Variants in MNAT1 observed in about 807,000 individuals in gnomAD.
MNAT1 encodes the protein MNAT1 component of CDK activating kinase.
MNAT1 carries 43 observed loss-of-function variants against 42.0 expected under a neutral mutation model. The observed-to-expected ratio is 1.02, with a 90% confidence interval of 0.80 to 1.32. The LOEUF (loss-of-function observed/expected upper bound fraction) is 1.32. Ranked by LOEUF, MNAT1 falls within the 40% of genes most tolerant of loss-of-function variation. The pLI is 0.00. For missense variants in MNAT1, 306 were observed against 350.4 expected (o/e 0.87, Z 1.01); for synonymous variants, 118 against 120.0 (o/e 0.98, Z 0.11).
chr14:60,904,594 A>G (rs150930529), intron 7 of MNAT1, among the ~76,000 whole-genome samples: 279 of 152,314 alleles, frequency 1.8e-3, no homozygotes, highest in African/African-American at 6.6e-3. Context: ...TGTTTAGTCT[A>G]GAGTGAATGC....
At chr14:60,914,928 G>A (rs2035479336) in intron 7 of MNAT1, among the ~76,000 whole-genome samples, 1 of 152,164 alleles carries the variant, frequency 6.6e-6, no homozygotes, top group Non-Finnish European at 1.5e-5. Context: ...GTTTTTGGAA[G>A]GAAAATTACC....
intron 3 of MNAT1, among the ~76,000 whole-genome samples, chr14:60,803,631 A>G (rs1367838885): frequency 6.6e-6 from 1 of 152,182 alleles, no homozygotes; most frequent in Non-Finnish European, 1.5e-5. Flanking sequence ...ATTTTGAAGG[A>G]TATTAAAGAC....
intron 7 of MNAT1, among the ~76,000 whole-genome samples, chr14:60,926,860 C>A (rs909460639): frequency 1.3e-5 from 2 of 152,082 alleles, no homozygotes; most frequent in African/African-American, 2.4e-5. Context: ...TGGTTGGTTC[C>A]CCTTGTGAAC....
intron 6 of MNAT1, among the ~76,000 whole-genome samples, chr14:60,847,820 A>G (rs1233215222): frequency 5.3e-5 from 8 of 152,224 alleles, no homozygotes; most frequent in Admixed American, 5.2e-4. Flanking sequence ...AGTAATATGT[A>G]GAATATTTAA....
intron 1 of MNAT1, among the ~76,000 whole-genome samples, chr14:60,777,199 A>G (rs1026441710): frequency 1.3e-5 from 2 of 152,180 alleles, no homozygotes; most frequent in Admixed American, 1.3e-4. Context: ...AGAAGGGGAA[A>G]TATGCTTAAA....
intron 4 of MNAT1, 100 bp downstream of exon 4, chr14:60,808,528 G>A: frequency 4.1e-6 from 3 of 726,524 alleles, no homozygotes; most frequent in Non-Finnish European, 6.6e-6. Flanking sequence ...TACATTTATA[G>A]AAAATTTAGC....
At chr14:60,941,848 C>CA (rs1424415209) in intron 7 of MNAT1, among the ~76,000 whole-genome samples, 1 of 150,612 alleles carries the variant, frequency 6.6e-6, no homozygotes, top group African/African-American at 2.4e-5. Flanking sequence ...ACTAAAAATA[C>CA]AAAAAATTAG....
At chr14:60,823,541 A>C (rs115627853) in intron 6 of MNAT1, among the ~76,000 whole-genome samples, 5 of 152,214 alleles carry the variant, frequency 3.3e-5, no homozygotes, top group African/African-American at 1.2e-4. Flanking sequence ...TTCTTGCATC[A>C]TTACCTTTTA....
At chr14:60,833,841 C>T (rs2033293582) in intron 6 of MNAT1, among the ~76,000 whole-genome samples, 1 of 152,128 alleles carries the variant, frequency 6.6e-6, no homozygotes, top group African/African-American at 2.4e-5. Context: ...TAATTACTGC[C>T]TCCATTTCAG....
At chr14:60,827,197 A>G (rs1001039390) in intron 6 of MNAT1, among the ~76,000 whole-genome samples, 3 of 152,210 alleles carry the variant, frequency 2.0e-5, no homozygotes, top group Non-Finnish European at 4.4e-5. Flanking sequence ...ATTGTTTTTA[A>G]GTACTTTTGA....
chr14:60,942,214 C>A (rs1228159533), intron 7 of MNAT1, among the ~76,000 whole-genome samples: 2 of 151,906 alleles, frequency 1.3e-5, no homozygotes, highest in Non-Finnish European at 2.9e-5. Context: ...TTAAAGAGTT[C>A]AGCCAAAAAG....
chr14:60,858,842 A>G (rs2034026330), intron 6 of MNAT1, among the ~76,000 whole-genome samples: 1 of 152,236 alleles, frequency 6.6e-6, no homozygotes, highest in South Asian at 2.1e-4. Flanking sequence ...ACATTAAGAT[A>G]TGTGCACTGT....
intron 6 of MNAT1, among the ~76,000 whole-genome samples, chr14:60,827,049 A>G (rs551811154): frequency 4.6e-5 from 7 of 152,276 alleles, no homozygotes; most frequent in African/African-American, 1.4e-4. Context: ...CTTGTTTGCA[A>G]ACTGAAAATA....
intron 6 of MNAT1, among the ~76,000 whole-genome samples, chr14:60,872,534 T>C (rs1594820250): frequency 6.6e-6 from 1 of 151,738 alleles, no homozygotes; most frequent in African/African-American, 2.4e-5. Flanking sequence ...TTTTTTCTCT[T>C]CCCCCCCATT....
intron 1 of MNAT1, among the ~76,000 whole-genome samples, chr14:60,741,949 G>A (rs1896481284): frequency 6.6e-6 from 1 of 151,902 alleles, no homozygotes; most frequent in Non-Finnish European, 1.5e-5. Flanking sequence ...ATATCATTGG[G>A]TTTAAGTCTA....
chr14:60,933,767 C>G (rs181509424), intron 7 of MNAT1, among the ~76,000 whole-genome samples: 90 of 152,142 alleles, frequency 5.9e-4, no homozygotes, highest in Non-Finnish European at 5.9e-5. Context: ...CTATGGTATT[C>G]CTTTGAGAGG....
intron 1 of MNAT1, among the ~76,000 whole-genome samples, chr14:60,774,997 G>T (rs1261834836): frequency 1.3e-5 from 2 of 152,182 alleles, no homozygotes; most frequent in Admixed American, 1.3e-4. Flanking sequence ...GATCAGGGCC[G>T]TAATCAGATT....
chr14:60,846,675 T>G (rs758018920), intron 6 of MNAT1, among the ~76,000 whole-genome samples: 67 of 152,220 alleles, frequency 4.4e-4, no homozygotes, highest in Non-Finnish European at 8.2e-4. Flanking sequence ...ATTTAGAGGT[T>G]GTTGTTCTAA....
intron 3 of MNAT1, among the ~76,000 whole-genome samples, chr14:60,804,915 G>C (rs1231523675): frequency 1.1e-4 from 16 of 152,226 alleles, no homozygotes; most frequent in Admixed American, 1.0e-3. Context: ...GTAGTAAACT[G>C]TCTAGTTTGC....
Sources: allele counts gnomAD v4.1 joint callset (sites outside exome capture counted in the v4.1 genomes callset), GRCh38; gene constraint gnomAD v4.1.1; transcripts MANE v1.5; gene names NCBI Gene and HGNC (gene_info 2026-07-23, HGNC 2026-07-21).